PACSIN2: variants seen among roughly 807,000 people sequenced by gnomAD.
The protein encoded by PACSIN2 is protein kinase C and casein kinase substrate in neurons 2.
In PACSIN2, 25 loss-of-function variants were observed where a neutral mutation model predicts 63.8. The observed-to-expected ratio is 0.39, with a 90% CI of 0.29 to 0.55. PACSIN2 has a LOEUF of 0.55. Ranked by LOEUF, PACSIN2 falls within the 20% of genes least tolerant of loss-of-function variation. The probability of loss-of-function intolerance (pLI) is 0.62; values close to 1 mark genes in which losing one functional copy is unlikely to be tolerated. For missense variants in PACSIN2, 518 were observed against 646.9 expected, an observed-to-expected ratio of 0.80 and a Z score of 2.16; for synonymous variants, 255 against 256.2, an observed-to-expected ratio of 1.00 and a Z score of 0.05.
intron 1 of PACSIN2, among the ~76,000 whole-genome samples, chr22:42,965,785 C>A (rs1920948443): frequency 1.3e-5 from 2 of 152,160 alleles, no homozygotes; most frequent in Non-Finnish European, 2.9e-5. Flanking sequence ...CTGGAAGTGG[C>A]AGGTGTCAGC....
chr22:43,004,721 C>T (rs1227088844), intron 1 of PACSIN2, among the ~76,000 whole-genome samples: 1 of 152,246 alleles, frequency 6.6e-6, no homozygotes, highest in Non-Finnish European at 1.5e-5. Flanking sequence ...GATTTCATTT[C>T]ATTCAATAGG....
chr22:43,009,569 A>T (rs542965193), intron 1 of PACSIN2, among the ~76,000 whole-genome samples: 1 of 152,202 alleles, frequency 6.6e-6, no homozygotes, highest in South Asian at 2.1e-4. Flanking sequence ...TCATTTTACA[A>T]ATATGAAAAC....
At chr22:42,924,220 C>T (rs541065887) in intron 1 of PACSIN2, among the ~76,000 whole-genome samples, 12 of 152,190 alleles carry the variant, frequency 7.9e-5, no homozygotes, top group African/African-American at 1.2e-4. Context: ...CATGACCAGA[C>T]CCCCTGCATC....
intron 1 of PACSIN2, among the ~76,000 whole-genome samples, chr22:42,983,316 CAA>C (rs1180708676): frequency 9.4e-5 from 6 of 63,620 alleles, no homozygotes; most frequent in Non-Finnish European, 1.0e-4. Flanking sequence ...GACTCCATCT[CAA>C]AAAAAAAAAA....
At chr22:42,901,383 T>C (rs142869799) in intron 2 of PACSIN2, among the ~76,000 whole-genome samples, 7 of 152,344 alleles carry the variant, frequency 4.6e-5, no homozygotes, top group African/African-American at 1.4e-4. Flanking sequence ...AAGTCTGCAG[T>C]TGGCAACGAG....
intron 1 of PACSIN2, among the ~76,000 whole-genome samples, chr22:42,913,196 T>C (rs1344493219): frequency 3.3e-5 from 5 of 152,082 alleles, no homozygotes; most frequent in East Asian, 3.9e-4. Context: ...AAAGAGACAA[T>C]AGGCCGGGCA....
chr22:42,927,193 G>A (rs575803584), intron 1 of PACSIN2, among the ~76,000 whole-genome samples: 2 of 151,816 alleles, frequency 1.3e-5, no homozygotes, highest in African/African-American at 4.8e-5. Flanking sequence ...CCTGTGTTCT[G>A]CTTTCCTCAG....
Position 42,924,171 on chromosome 22 carries a change from G to A in PACSIN2, c.-77-12014C>T, listed in dbSNP as rs1932383793. ...TTTAGGGAGCGGGGGAGGTCCATGA[G>A]CACCTCCTGGACCGGCCTTGCCTCC... is the stretch of plus-strand genomic sequence containing the variant. On this transcript the variant is annotated intron_variant, in intron 1 of 10. Coordinates refer to ENST00000263246, the MANE Select transcript of PACSIN2 (RefSeq NM_001184970.3). Among the ~76,000 whole-genome samples, 3 of 152,046 alleles carry A rather than the reference G, an allele frequency of 2.0e-5. No individual in the cohort carries two copies. The South Asian group carries it at 6.2e-4, about 32-fold the overall frequency.
chr22:42,882,418 CACAG>C, intron 6 of PACSIN2, 114 bp from the exon 7 acceptor site: 7 of 1,225,418 alleles, frequency 5.7e-6, no homozygotes, highest in South Asian at 1.5e-5. Flanking sequence ...GAGTTGGTTT[CACAG>C]ACAGAGCCAG....
intron 10 of PACSIN2, among the ~76,000 whole-genome samples, chr22:42,872,244 G>C (rs1317577886): frequency 6.6e-6 from 1 of 152,232 alleles, no homozygotes; most frequent in African/African-American, 2.4e-5. Flanking sequence ...GGTGGCACTA[G>C]GGTAGGGCCC....
rs1266118854 is a variant in PACSIN2 at position 42,999,503 on chromosome 22, C to G, written c.-78+15518G>C. ...TGACCAAGATGGAGAAACCCTGTCT[C>G]TACTAAAAACACAAAATTAGCCCAG... On this transcript the variant is annotated intron_variant, in intron 1 of 10. Coordinates refer to ENST00000263246, the MANE Select transcript of PACSIN2 (RefSeq NM_001184970.3). Among the ~76,000 whole-genome samples the G allele has an allele frequency of 2.6e-5, 4 of 152,186 alleles. 1 individual carries two copies. In the East Asian group the frequency reaches 5.8e-4, roughly 22 times the overall value.
chr22:42,969,971 C>CACAAGTTTCAACAAGT (rs558456539), intron 1 of PACSIN2, among the ~76,000 whole-genome samples: 1,672 of 151,546 alleles, frequency 0.011, 9 homozygotes, highest in Non-Finnish European at 0.016. Context: ...CAACAAGTAT[C>CACAAGTTTCAACAAGT]AACACATGGC....
intron 4 of PACSIN2, among the ~76,000 whole-genome samples, chr22:42,889,373 T>TACACACACACACACACACACAC (rs58408551): frequency 0.062 from 7,574 of 122,300 alleles, 462 homozygotes; most frequent in East Asian, 0.26. Flanking sequence ...TAATGGTTTT[T>TACACACACACACACACACACAC]ACACACACAC....
intron 1 of PACSIN2, among the ~76,000 whole-genome samples, chr22:42,967,670 C>T (rs1424115254): frequency 1.3e-5 from 2 of 152,098 alleles, no homozygotes; most frequent in African/African-American, 2.4e-5. Flanking sequence ...GGGCGGATCA[C>T]GAGGTCAGGA....
chr22:42,884,541 C>T lies in PACSIN2; in HGVS notation c.630G>A (p.Lys210=). ...DVLKTKEKYE[K]SLKELDQGTP... ...TGCCCTGGTCGAGTTCCTTCAGGGA[C>T]TTCTCATACTTCTCTTTGGTCTAAA... The change falls in exon 6 of 11, where the codon AAG becomes AAA. Residue 210 remains lysine, a synonymous_variant. Coordinates refer to ENST00000263246, the MANE Select transcript of PACSIN2 (RefSeq NM_001184970.3). The T allele has an allele frequency of 6.2e-7, 1 of 1,613,674 alleles. No individual in the cohort carries two copies. Among genetic ancestry groups the T allele is most frequent in the Non-Finnish European group, 8.5e-7 (1 of 1,179,820 alleles).
At chr22:42,956,498 T>C (rs1033731176) in intron 1 of PACSIN2, among the ~76,000 whole-genome samples, 2 of 152,170 alleles carry the variant, frequency 1.3e-5, no homozygotes, top group Non-Finnish European at 2.9e-5. Context: ...ACAATGTCAT[T>C]CATTCATTCA....
At chr22:42,911,711 C>T (rs1931471545) in intron 2 of PACSIN2, among the ~76,000 whole-genome samples, 1 of 152,246 alleles carries the variant, frequency 6.6e-6, no homozygotes, top group Admixed American at 6.5e-5. Context: ...GTCTCTCCCA[C>T]TCACACCATG....
chr22:43,013,996 G>A (rs1924674720), intron 1 of PACSIN2, among the ~76,000 whole-genome samples: 1 of 152,114 alleles, frequency 6.6e-6, no homozygotes, highest in African/African-American at 2.4e-5. Context: ...AAAGGCTGCA[G>A]CCGTGTGGGC....
At chr22:42,882,147 C>G (rs1440847010) in intron 7 of PACSIN2, 37 bp downstream of exon 7, 1 of 1,612,096 alleles carries the variant, frequency 6.2e-7, no homozygotes, top group Non-Finnish European at 8.5e-7. Context: ...AGGTCCTCTT[C>G]CAGGCTGATG....
Sources: gnomAD v4.1 joint callset for allele counts (sites outside exome capture counted in the v4.1 genomes callset) on GRCh38, gnomAD v4.1.1 for gene constraint, MANE v1.5 for transcripts, NCBI Gene and HGNC (gene_info 2026-07-23, HGNC 2026-07-21) for gene names.